Variants in MKLN1 observed in about 807,000 individuals in gnomAD.
MKLN1 encodes muskelin.
Under a neutral mutation model 99.0 loss-of-function variants are expected in MKLN1, and 18 were observed. The ratio of observed to expected loss-of-function variants is 0.18; its 90% CI spans 0.13 to 0.27. The LOEUF (loss-of-function observed/expected upper bound fraction) is 0.27. MKLN1 is among the 10% of genes least tolerant of loss of function. The pLI, the probability that MKLN1 is intolerant of heterozygous loss-of-function variation, is 1.00. For missense variants in MKLN1, 621 were observed against 875.9 expected (o/e 0.71, Z 3.67); for synonymous variants, 288 against 293.2 (o/e 0.98, Z 0.18).
intron 3 of MKLN1, among the ~76,000 whole-genome samples, chr7:131,247,814 T>G (rs1474376548): frequency 6.6e-6 from 1 of 152,222 alleles, no homozygotes; most frequent in African/African-American, 2.4e-5. Context: ...AGAAATAGAT[T>G]TGTACATTTC....
In MKLN1 at chr7:131,175,020, A is replaced by C. The variant is rs563659289; in HGVS notation, c.-296-27837A>C. On this transcript the variant is annotated intron_variant, in intron 2 of 7. Transcript: ENST00000416992. ...ATAGATAGATAGATAGGGTGGGTAT[A>C]TAGATAGGCAGATGGATGGATGGAT... Among the ~76,000 whole-genome samples the C allele has an allele frequency of 3.6e-5, 5 of 140,704 alleles. No homozygotes were observed. The South Asian group carries it at 1.2e-3, about 33-fold the overall frequency. 92.3% of individuals were successfully genotyped at this position (140,704 alleles called of 152,430 possible).
At chr7:131,281,881 C>A (rs1252529092) in intron 3 of MKLN1, among the ~76,000 whole-genome samples, 1 of 151,958 alleles carries the variant, frequency 6.6e-6, no homozygotes, top group African/African-American at 2.4e-5. Context: ...ACTATGTTGC[C>A]CAGGCTGGCC....
chr7:131,329,433 G>A (rs932768869), intron 1 of MKLN1, among the ~76,000 whole-genome samples: 1 of 152,232 alleles, frequency 6.6e-6, no homozygotes, highest in Non-Finnish European at 1.5e-5. Flanking sequence ...CAGCCATGTA[G>A]TTGGAGTTGA....
intron 10 of MKLN1, among the ~76,000 whole-genome samples, chr7:131,442,524 G>A (rs536430806): frequency 2.0e-4 from 30 of 152,186 alleles, no homozygotes; most frequent in African/African-American, 7.0e-4. Flanking sequence ...TCTAGCCTGG[G>A]CAACAAGAGT....
intron 3 of MKLN1, among the ~76,000 whole-genome samples, chr7:131,250,331 G>A (rs1797558694): frequency 6.6e-6 from 1 of 152,190 alleles, no homozygotes; most frequent in Non-Finnish European, 1.5e-5. Context: ...GGAAGGTCAA[G>A]GCAACTCAGT....
chr7:131,362,016 TTTGTTA>T (rs1445692717), intron 1 of MKLN1, among the ~76,000 whole-genome samples: 3 of 152,098 alleles, frequency 2.0e-5, no homozygotes, highest in African/African-American at 7.2e-5. Flanking sequence ...CAAGGAACGC[TTTGTTA>T]ACTATGCCTT....
rs781186533 is a variant in MKLN1, at chr7:131,399,269, G to T, written c.539G>T (p.Cys180Phe). Residue 180 changes from cysteine (C) to phenylalanine (F), a missense_variant, in exon 6 of 18, where the codon TGC becomes TTC. Cys to Phe is a radical substitution (Grantham distance 205). Coordinates refer to ENST00000352689, the MANE Select transcript of MKLN1 (RefSeq NM_013255.5). ...KYREQEAIRLCLKHFRQHNYT... is the reference protein window; with the variant it reads ...KYREQEAIRLFLKHFRQHNYT... ...CGTGAACAGGAAGCTATTCGCCTTT[G>T]CCTAAAACACTTCAGACAACACAAC... 2 of 1,613,928 alleles carry T rather than the reference G, an allele frequency of 1.2e-6. No individual in the cohort carries two copies. The highest frequency in any genetic ancestry group is 1.7e-6 in the Non-Finnish European group (2 of 1,179,926).
At chr7:131,280,856 A>T (rs1798040330) in intron 3 of MKLN1, among the ~76,000 whole-genome samples, 1 of 151,812 alleles carries the variant, frequency 6.6e-6, no homozygotes, top group African/African-American at 2.4e-5. Flanking sequence ...CACTATGTTG[A>T]CCAGGCTGTC....
intron 1 of MKLN1, among the ~76,000 whole-genome samples, chr7:131,119,872 A>AAATGGGGCT (rs1184924566): frequency 1.6e-4 from 25 of 152,168 alleles, no homozygotes; most frequent in Non-Finnish European, 3.2e-4. Context: ...GCAGCCTTAA[A>AAATGGGGCT]TTCCTCCTCA....
chr7:131,168,175 T>C (rs1796152353), intron 2 of MKLN1, among the ~76,000 whole-genome samples: 1 of 152,212 alleles, frequency 6.6e-6, no homozygotes, highest in Admixed American at 6.5e-5. Flanking sequence ...ACCATCTAGA[T>C]GGCATTGTTG....
At chr7:131,406,672 A>G (rs887809316) in intron 6 of MKLN1, among the ~76,000 whole-genome samples, 12 of 152,022 alleles carry the variant, frequency 7.9e-5, no homozygotes, top group Admixed American at 3.3e-4. Flanking sequence ...TTCTTCTATA[A>G]TGCAGCTCAA....
chr7:131,261,724 C>G (rs1260418352), intron 3 of MKLN1, among the ~76,000 whole-genome samples: 1 of 152,124 alleles, frequency 6.6e-6, no homozygotes, highest in Non-Finnish European at 1.5e-5. Context: ...TTCACAATAG[C>G]AGCAAAGTCA....
At chr7:131,192,103 T>A (rs1439320830) in intron 2 of MKLN1, among the ~76,000 whole-genome samples, 2 of 84,786 alleles carry the variant, frequency 2.4e-5, no homozygotes, top group Admixed American at 3.2e-4. Context: ...TATATGTATA[T>A]ATATATTATA....
intron 3 of MKLN1, among the ~76,000 whole-genome samples, chr7:131,244,840 T>G (rs1565052): frequency 6.6e-6 from 1 of 152,132 alleles, no homozygotes. Flanking sequence ...CCTCTGCACA[T>G]ATGCCCGAAT....
At chr7:131,364,223 A>G (rs1027785266) in intron 1 of MKLN1, among the ~76,000 whole-genome samples, 3 of 152,142 alleles carry the variant, frequency 2.0e-5, no homozygotes, top group Non-Finnish European at 2.9e-5. Flanking sequence ...ATTTATTTAC[A>G]TGTACTTATC....
intron 2 of MKLN1, among the ~76,000 whole-genome samples, chr7:131,162,514 C>T (rs563958875): frequency 1.5e-3 from 226 of 152,154 alleles, no homozygotes; most frequent in Non-Finnish European, 2.8e-3. Context: ...TCTGATCATT[C>T]GATTGATAAA....
chr7:131,227,377 TTTC>T (rs1182294811), intron 3 of MKLN1, among the ~76,000 whole-genome samples: 12 of 149,222 alleles, frequency 8.0e-5, no homozygotes, highest in African/African-American at 1.5e-4. Context: ...TTTCTTTTTC[TTTC>T]TTTTTTTTCT....
intron 2 of MKLN1, among the ~76,000 whole-genome samples, chr7:131,385,815 A>G (rs1056571224): frequency 5.9e-5 from 9 of 152,042 alleles, no homozygotes; most frequent in Admixed American, 1.3e-4. Flanking sequence ...CTCCCATTCT[A>G]TAGGGTGTCT....
intron 3 of MKLN1, among the ~76,000 whole-genome samples, chr7:131,288,757 C>A (rs1798171195): frequency 6.6e-6 from 1 of 152,132 alleles, no homozygotes. Flanking sequence ...CCTTGCTGTT[C>A]AGTACTTTCT....
Sources: allele counts gnomAD v4.1 joint callset (sites outside exome capture counted in the v4.1 genomes callset), GRCh38; gene constraint gnomAD v4.1.1; transcripts MANE v1.5; gene names NCBI Gene and HGNC (gene_info 2026-07-23, HGNC 2026-07-21).